The following CDO1 variants were observed in gnomAD, a reference collection of about 807,000 sequenced individuals.
CDO1 encodes the protein cysteine dioxygenase, type I.
CDO1 carries 19 observed loss-of-function variants against 24.5 expected under a neutral mutation model. The observed-to-expected ratio is 0.77, with a 90% CI of 0.54 to 1.14. CDO1 has a LOEUF of 1.14. CDO1 is among the 50% of genes most tolerant of loss of function. The pLI is 0.00. For synonymous variants in CDO1, 91 were observed against 87.0 expected, an observed-to-expected ratio of 1.05 and a Z score of -0.26; for missense variants, 244 against 244.8, an observed-to-expected ratio of 1.00 and a Z score of 0.02.
At position 115,816,381 on chromosome 5, in the gene CDO1, A is replaced by G; in HGVS notation, c.17T>C (p.Val6Ala). The change falls in exon 1 of 5, where the codon GTG becomes GCG. Residue 6 changes from valine (V) to alanine (A), a missense_variant. By Grantham distance (64) the Val-to-Ala change is moderately conservative. Transcript: ENST00000250535. ...ATCAGCCAGGGTCCGTGGCTTCAGC[A>G]CTTCGGTCTGTTCCATCTCGTGGGG... MEQTE[V>A]LKPRTLADLI... 1 of 1,613,272 alleles carries G rather than the reference A, an allele frequency of 6.2e-7. No individual in the cohort carries two copies. The highest frequency in any genetic ancestry group is 1.3e-5 in the African/African-American group (1 of 74,972).
At chr5:115,814,089 A>T (rs1479088745) in intron 1 of CDO1, 2 of 151,596 alleles carry the variant, frequency 1.3e-5, no homozygotes, top group African/African-American at 2.4e-5. Context: ...TCTTTACTCC[A>T]TTTTTTGGGA....
At chr5:115,807,987 C>CA (rs200097977) in intron 3 of CDO1, among the ~76,000 whole-genome samples, 13,994 of 150,236 alleles carry the variant, frequency 0.093, 2,160 homozygotes, top group African/African-American at 0.32. Flanking sequence ...TAAAAAAAAA[C>CA]AAAAAAAACA....
At position 115,813,308 on chromosome 5, in the gene CDO1, G is replaced by GTTTTAAGTT. The variant is rs750576451; in HGVS notation, c.171-51_171-50insAACTTAAAA. ...AGTTTTAAGTTCGTTGCTGAAACAA[G>GTTTTAAGTT]CACTGGAAAAAATAAGTGTGTCACC... On this transcript the variant is annotated intron_variant, in intron 1 of 4. Coordinates refer to ENST00000250535, the MANE Select transcript of CDO1 (RefSeq NM_001801.3). 2,710 of 1,019,656 alleles carry GTTTTAAGTT rather than the reference G, an allele frequency of 2.7e-3. 12 individuals are homozygous for GTTTTAAGTT. Among genetic ancestry groups the GTTTTAAGTT allele is most frequent in the Non-Finnish European group, 3.7e-3 (2,378 of 645,618 alleles). The allele number at this position is 1,019,656 out of a possible 1,614,324, so 63.2% of individuals were successfully genotyped here. A position where few individuals can be genotyped will look rare whatever the true frequency, so the allele number is the denominator to read the frequency against.
rs767045816 is a variant in CDO1 at position 115,811,252 on chromosome 5, C to A, written c.312G>T (p.Glu104Asp). ...TTTTGTCAGGCCAGGCAAATAATGT[C>A]TCCTTTAGATTTCCCTGTAGCATCT... The part of the protein sequence containing the change: ...FLKMLQGNLK[E>D]TLFAWPDKKS... The change falls in exon 3 of 5, where the codon GAG becomes GAT. Residue 104 changes from glutamate to aspartate, a missense_variant. Glu to Asp is a conservative substitution (Grantham distance 45, BLOSUM62 2). Coordinates refer to ENST00000250535, the MANE Select transcript of CDO1 (RefSeq NM_001801.3). 1.9e-6 allele frequency: 3 copies of A among 1,613,132 alleles called. No homozygotes were observed. The highest frequency in any genetic ancestry group is 2.2e-5 in the South Asian group (2 of 91,054).
In CDO1 at chr5:115,805,242, G is replaced by T; in HGVS notation, c.*191C>A. On this transcript the variant is annotated 3_prime_UTR_variant, in exon 5 of 5. Coordinates refer to ENST00000250535, the MANE Select transcript of CDO1 (RefSeq NM_001801.3). ...CACAAGACTTTCTTTTCCTCAGTGG[G>T]ACTTTTCTTCTGCAGTAGCTGAGGG... 2.0e-6 allele frequency: 1 copy of T among 508,316 alleles called. No individual in the cohort carries two copies. The allele number at this position is 508,316 out of a possible 1,614,324, so 31.5% of individuals were successfully genotyped here. A position where few individuals can be genotyped will look rare whatever the true frequency, so the allele number is the denominator to read the frequency against.
intron 3 of CDO1, among the ~76,000 whole-genome samples, chr5:115,806,817 C>A (rs942824233): frequency 1.3e-5 from 2 of 152,120 alleles, no homozygotes; most frequent in Non-Finnish European, 2.9e-5. Context: ...AGATGGATAG[C>A]TTTACAGAGC....
chr5:115,816,559 G>T lies in CDO1; in HGVS notation c.-162C>A. ...TAGAGTGCCGAAACGTAAGGATGTC[G>T]TCGCAGAGACAGCAAGAGACCCACC... On this transcript the variant is annotated 5_prime_UTR_variant, in exon 1 of 5. Coordinates refer to ENST00000250535, the MANE Select transcript of CDO1 (RefSeq NM_001801.3). 1 of 764,830 alleles carries T rather than the reference G, an allele frequency of 1.3e-6. No homozygotes were observed. The highest frequency in any genetic ancestry group is 2.1e-6 in the Non-Finnish European group (1 of 474,926). 47.4% of individuals were successfully genotyped at this position (764,830 alleles called of 1,614,324 possible). A position where few individuals can be genotyped will look rare whatever the true frequency, so the allele number is the denominator to read the frequency against.
intron 2 of CDO1, among the ~76,000 whole-genome samples, chr5:115,812,926 A>G (rs907031571): frequency 2.0e-5 from 3 of 151,872 alleles, no homozygotes; most frequent in Non-Finnish European, 4.4e-5. Flanking sequence ...GCATACCTGT[A>G]ATCCCAGCTA....
intron 4 of CDO1, 127 bp from the exon 5 acceptor site, chr5:115,805,589 T>A: frequency 1.3e-6 from 1 of 751,044 alleles, no homozygotes; most frequent in South Asian, 1.8e-5. Context: ...GCCTTGTTGT[T>A]TTTCCCGCAA....
chr5:115,806,301 A>C (rs772603142), intron 4 of CDO1, 48 bp downstream of exon 4: 1 of 1,370,948 alleles, frequency 7.3e-7, no homozygotes, highest in South Asian at 1.3e-5. Context: ...ATGCAGTGTA[A>C]CAGTGCCAAC....
rs1231059475 is a variant in CDO1, at chr5:115,811,312, A to G, written c.252T>C (p.Ser84=). The G allele has an allele frequency of 1.2e-6, 2 of 1,610,860 alleles. No individual in the cohort carries two copies. Among genetic ancestry groups the G allele is most frequent in the African/African-American group, 1.3e-5 (1 of 74,838 alleles). The part of the protein sequence containing the change: ...ILCWGEGHGS[S]IHDHTNSHCF... ...AGTGGGAGTTGGTATGATCATGAAT[A>G]CTGCTATATGTACACAAAATGACAA... The change falls in exon 3 of 5, where the codon AGT becomes AGC. Residue 84 remains serine (S), a synonymous_variant. Coordinates refer to ENST00000250535, the MANE Select transcript of CDO1 (RefSeq NM_001801.3).
At chr5:115,813,048 A>C in intron 2 of CDO1, 133 bp downstream of exon 2, 2 of 91,206 alleles carry the variant, frequency 2.2e-5, no homozygotes, top group South Asian at 5.9e-4. Context: ...CCACTGTCTC[A>C]AAAAAAAAAA....
intron 1 of CDO1, among the ~76,000 whole-genome samples, chr5:115,815,340 T>C (rs1214101455): frequency 6.6e-6 from 1 of 152,096 alleles, no homozygotes; most frequent in Non-Finnish European, 1.5e-5. Flanking sequence ...TTCGACTTAA[T>C]CACCAAGCCG....
intron 1 of CDO1, among the ~76,000 whole-genome samples, chr5:115,815,195 C>A (rs866492223): frequency 2.7e-4 from 41 of 152,292 alleles, no homozygotes; most frequent in African/African-American, 9.4e-4. Context: ...TCTTTTCTTT[C>A]ACTTACCCCT....
At chr5:115,812,536 C>G (rs958535283) in intron 2 of CDO1, among the ~76,000 whole-genome samples, 1 of 152,208 alleles carries the variant, frequency 6.6e-6, no homozygotes, top group Non-Finnish European at 1.5e-5. Context: ...ATTGTTTACA[C>G]ACCTCAAACA....
At chr5:115,811,383 T>C in intron 2 of CDO1, 68 bp from the exon 3 acceptor site, 1 of 1,164,000 alleles carries the variant, frequency 8.6e-7, no homozygotes, top group East Asian at 2.4e-5. Flanking sequence ...AGTAACAGTC[T>C]TCCCAGAACT....
chr5:115,806,140 C>T (rs1285638675), intron 4 of CDO1, among the ~76,000 whole-genome samples: 1 of 152,170 alleles, frequency 6.6e-6, no homozygotes, highest in Non-Finnish European at 1.5e-5. Context: ...TAAAAACAAG[C>T]ATACATTTTG....
chr5:115,805,527 T>C (rs2112675058), intron 4 of CDO1, 65 bp from the exon 5 acceptor site: 1 of 1,447,916 alleles, frequency 6.9e-7, no homozygotes, highest in East Asian at 2.3e-5. Context: ...TAACTCCTTC[T>C]AAATAGTTCT....
Position 115,805,311 on chromosome 5 carries a change from CAGT to C in CDO1, c.*119_*121del. On this transcript the variant is annotated 3_prime_UTR_variant, in exon 5 of 5. Coordinates refer to ENST00000250535, the MANE Select transcript of CDO1 (RefSeq NM_001801.3). ...TGCCTTATAATTAGCATCTGCCTTA[CAGT>C]AGATCTAAGTATTGGCTTATTTAAG... 2 of 797,120 alleles carry C rather than the reference CAGT, an allele frequency of 2.5e-6. No individual in the cohort carries two copies. The highest frequency in any genetic ancestry group is 4.1e-6 in the Non-Finnish European group (2 of 482,226). The allele number at this position is 797,120 out of a possible 1,614,324, so 49.4% of individuals were successfully genotyped here.
Sources: allele counts gnomAD v4.1 joint callset (sites outside exome capture counted in the v4.1 genomes callset), GRCh38; gene constraint gnomAD v4.1.1; transcripts MANE v1.5; gene names NCBI Gene and HGNC (gene_info 2026-07-23, HGNC 2026-07-21).